RIT2: variants seen among roughly 807,000 people sequenced by gnomAD.
The protein encoded by RIT2 is GTP-binding protein Rit2.
A neutral mutation model predicts 23.7 loss-of-function variants in RIT2; 24 were observed. The ratio of observed to expected loss-of-function variants is 1.01; its 90% CI spans 0.73 to 1.43. The LOEUF (loss-of-function observed/expected upper bound fraction) is 1.43. Among genes scored for constraint, RIT2 ranks in the 40% most tolerant of loss-of-function variants. The probability of loss-of-function intolerance (pLI) is 0.00; values close to 1 mark genes in which losing one functional copy is unlikely to be tolerated. For synonymous variants in RIT2, 107 were observed against 91.1 expected, an observed-to-expected ratio of 1.17 and a Z score of -0.99; for missense variants, 236 against 266.9, an observed-to-expected ratio of 0.88 and a Z score of 0.81.
At chr18:43,054,074 A>G (rs1912445015) in intron 1 of RIT2, among the ~76,000 whole-genome samples, 1 of 152,070 alleles carries the variant, frequency 6.6e-6, no homozygotes, top group Non-Finnish European at 1.5e-5. Flanking sequence ...GCAATTCCCC[A>G]CTGAGAGGGG....
intron 2 of RIT2, among the ~76,000 whole-genome samples, chr18:43,029,082 C>T (rs986915144): frequency 4.6e-5 from 7 of 152,084 alleles, no homozygotes; most frequent in Admixed American, 4.6e-4. Flanking sequence ...TATATAAAGT[C>T]CTTGTTTTTT....
intron 1 of RIT2, among the ~76,000 whole-genome samples, chr18:43,054,530 T>C (rs1912455285): frequency 6.6e-6 from 1 of 152,060 alleles, no homozygotes; most frequent in African/African-American, 2.4e-5. Flanking sequence ...GTAATGACTA[T>C]GGAGGAGACA....
intron 1 of RIT2, among the ~76,000 whole-genome samples, chr18:43,058,817 A>G (rs1402713051): frequency 6.6e-6 from 1 of 152,086 alleles, no homozygotes; most frequent in East Asian, 1.9e-4. Context: ...TGAGCCTGGG[A>G]GGTCGAGACT....
chr18:42,987,168 TTATG>T (rs781282547), intron 2 of RIT2, among the ~76,000 whole-genome samples: 17 of 152,164 alleles, frequency 1.1e-4, no homozygotes, highest in Non-Finnish European at 2.5e-4. Context: ...ATATAAGTGT[TTATG>T]TATGTGTGTG....
intron 4 of RIT2, among the ~76,000 whole-genome samples, chr18:42,888,240 G>A (rs921537247): frequency 1.4e-4 from 21 of 151,902 alleles, no homozygotes; most frequent in Non-Finnish European, 2.5e-4. Flanking sequence ...GTGGGGGAAG[G>A]CAGAAAGTAT....
chr18:42,864,423 G>A (rs978532469), intron 4 of RIT2, among the ~76,000 whole-genome samples: 1 of 152,032 alleles, frequency 6.6e-6, no homozygotes, highest in African/African-American at 2.4e-5. Context: ...AGAGTAATTG[G>A]GTTTCTATTG....
chr18:42,852,093 C>T (rs182612586), intron 4 of RIT2, among the ~76,000 whole-genome samples: 2 of 152,226 alleles, frequency 1.3e-5, no homozygotes, highest in Non-Finnish European at 2.9e-5. Context: ...TACTATCACC[C>T]TCAAGACTCG....
intron 4 of RIT2, among the ~76,000 whole-genome samples, chr18:42,842,680 C>T (rs1305851157): frequency 6.6e-6 from 1 of 152,052 alleles, no homozygotes; most frequent in African/African-American, 2.4e-5. Context: ...ATTCAAAATG[C>T]TCCAAAATTT....
chr18:43,104,009 A>G (rs1355632879), intron 1 of RIT2, among the ~76,000 whole-genome samples: 1 of 152,194 alleles, frequency 6.6e-6, no homozygotes, highest in East Asian at 1.9e-4. Context: ...CACTACGCAC[A>G]GTAACTGAGA....
chr18:42,918,526 A>C (rs1908971445), intron 4 of RIT2, among the ~76,000 whole-genome samples: 2 of 152,138 alleles, frequency 1.3e-5, no homozygotes, highest in Admixed American at 6.6e-5. Flanking sequence ...CATTTGGAAA[A>C]TATGTTTATA....
At chr18:43,008,988 T>G (rs1337533039) in intron 2 of RIT2, among the ~76,000 whole-genome samples, 1 of 151,508 alleles carries the variant, frequency 6.6e-6, no homozygotes, top group African/African-American at 2.4e-5. Context: ...GATATTCAAT[T>G]GAAAACATAA....
At chr18:42,928,025 C>G (rs912412744) in intron 3 of RIT2, among the ~76,000 whole-genome samples, 7 of 151,972 alleles carry the variant, frequency 4.6e-5, no homozygotes, top group African/African-American at 7.2e-5. Context: ...AGCACTAGCA[C>G]TATATTCAGA....
chr18:42,932,460 G>C (rs1846068443), intron 3 of RIT2, among the ~76,000 whole-genome samples: 1 of 152,086 alleles, frequency 6.6e-6, no homozygotes, highest in Non-Finnish European at 1.5e-5. Flanking sequence ...TCATCAGCCT[G>C]ATTTTAAGAC....
intron 1 of RIT2, among the ~76,000 whole-genome samples, chr18:43,058,260 T>A (rs1242312419): frequency 6.6e-6 from 1 of 152,124 alleles, no homozygotes; most frequent in African/African-American, 2.4e-5. Context: ...TACCTTTGAA[T>A]CTATGAAAGG....
chr18:42,933,459 A>G (rs1355529154), intron 3 of RIT2, among the ~76,000 whole-genome samples: 1 of 152,100 alleles, frequency 6.6e-6, no homozygotes, highest in Non-Finnish European at 1.5e-5. Flanking sequence ...TGTAGTTCCC[A>G]TAATTCCCAC....
chr18:43,061,083 TGTAAG>T (rs1912633768), intron 1 of RIT2, among the ~76,000 whole-genome samples: 1 of 152,118 alleles, frequency 6.6e-6, no homozygotes, highest in Non-Finnish European at 1.5e-5. Context: ...TCATATATAC[TGTAAG>T]GTAAGTAGTA....
chr18:43,078,865 A>G (rs1450784981), intron 1 of RIT2, among the ~76,000 whole-genome samples: 1 of 152,158 alleles, frequency 6.6e-6, no homozygotes, highest in Non-Finnish European at 1.5e-5. Context: ...GCATCTACAG[A>G]GTCCAGAGGG....
intron 1 of RIT2, among the ~76,000 whole-genome samples, chr18:43,054,771 G>T (rs752699270): frequency 9.9e-5 from 15 of 151,992 alleles, no homozygotes; most frequent in Admixed American, 2.6e-4. Context: ...TGGCCATTCT[G>T]CTCTTTAAAT....
chr18:42,975,906 A>G (rs552944966), intron 2 of RIT2, among the ~76,000 whole-genome samples: 148 of 152,186 alleles, frequency 9.7e-4, no homozygotes, highest in African/African-American at 3.4e-3. Flanking sequence ...TAATGTAAGC[A>G]TCTACAGCTA....
Sources: gnomAD v4.1 joint callset for allele counts (sites outside exome capture counted in the v4.1 genomes callset) on GRCh38, gnomAD v4.1.1 for gene constraint, MANE v1.5 for transcripts, NCBI Gene and HGNC (gene_info 2026-07-23, HGNC 2026-07-21) for gene names.